Variants in ABCC11 observed in about 807,000 individuals in gnomAD.
The protein encoded by ABCC11 is ATP-binding cassette sub-family C member 11.
ABCC11 carries 135 observed loss-of-function variants against 149.3 expected under a neutral mutation model. The observed-to-expected ratio is 0.90, with a 90% CI of 0.79 to 1.04. The LOEUF is 1.04. Ranked by LOEUF, ABCC11 falls within the 50% of genes least tolerant of loss-of-function variation. ABCC11 has a pLI of 0.00. For synonymous variants in ABCC11, 665 were observed against 671.4 expected, an observed-to-expected ratio of 0.99 and a Z score of 0.15; for missense variants, 1,680 against 1,722.1, an observed-to-expected ratio of 0.98 and a Z score of 0.43.
chr16:48,195,787 T>G (rs1003629256), intron 18 of ABCC11, among the ~76,000 whole-genome samples: 1 of 152,184 alleles, frequency 6.6e-6, no homozygotes, highest in Non-Finnish European at 1.5e-5. Flanking sequence ...TTCTATTTCA[T>G]GTCTTTCAGT....
intron 1 of ABCC11, chr16:48,244,752 G>T: frequency 1.8e-6 from 1 of 553,480 alleles, no homozygotes; most frequent in Non-Finnish European, 2.8e-6. Flanking sequence ...CCGCCTCTCT[G>T]GTGCTATCAC....
intron 6 of ABCC11, among the ~76,000 whole-genome samples, chr16:48,220,665 A>G (rs1334131762): frequency 6.6e-6 from 1 of 152,240 alleles, no homozygotes; most frequent in Non-Finnish European, 1.5e-5. Context: ...ACAGCTTCAG[A>G]GAGGCTGAAC....
intron 20 of ABCC11, among the ~76,000 whole-genome samples, chr16:48,189,076 C>G (rs545168333): frequency 1.5e-4 from 23 of 152,322 alleles, no homozygotes; most frequent in African/African-American, 5.3e-4. Flanking sequence ...TTTAAAGCCT[C>G]CTTGCTTTTT....
At chr16:48,192,797 C>G in intron 19 of ABCC11, 80 bp from the exon 20 acceptor site, 1 of 1,398,812 alleles carries the variant, frequency 7.1e-7, no homozygotes. Flanking sequence ...CCTGGGGCCA[C>G]GTGAGAATCT....
chr16:48,244,172 C>T (rs1316674597), intron 1 of ABCC11: 5 of 488,162 alleles, frequency 1.0e-5, no homozygotes, highest in Admixed American at 4.2e-5. Flanking sequence ...CGCTTGAGTG[C>T]ACGTCTTTCC....
chr16:48,217,866 G>A (rs1172949052), intron 6 of ABCC11, among the ~76,000 whole-genome samples: 2 of 151,854 alleles, frequency 1.3e-5, no homozygotes, highest in Non-Finnish European at 2.9e-5. Flanking sequence ...AAAACTCTAT[G>A]ATCTGGCAAT....
chr16:48,232,054 C>T, intron 1 of ABCC11, 115 bp from the exon 2 acceptor site: 1 of 1,495,766 alleles, frequency 6.7e-7, no homozygotes, highest in Admixed American at 2.2e-5. Context: ...ATATTGGGGC[C>T]ATGCAGAGGT....
chr16:48,193,177 C>G (rs1235352489), intron 19 of ABCC11, among the ~76,000 whole-genome samples: 1 of 152,204 alleles, frequency 6.6e-6, no homozygotes, highest in Non-Finnish European at 1.5e-5. Context: ...TTCAGTTCAG[C>G]TGAGATCCCT....
intron 1 of ABCC11, among the ~76,000 whole-genome samples, chr16:48,233,324 C>T (rs1970524974): frequency 6.6e-6 from 1 of 152,240 alleles, no homozygotes; most frequent in Non-Finnish European, 1.5e-5. Flanking sequence ...TCCCATCCCA[C>T]TTCCTTTTAC....
chr16:48,167,112 C>T lies in ABCC11; in HGVS notation c.*162G>A. On this transcript the variant is annotated 3_prime_UTR_variant, in exon 30 of 30. Transcript: ENST00000356608. ...TTGAGAGCCATCAAGTAGCCTATTCCAGGGTTTCCATCCAGCAATCCCCAC... is the reference window on the plus strand; with the variant it reads ...TTGAGAGCCATCAAGTAGCCTATTCTAGGGTTTCCATCCAGCAATCCCCAC... 1 of 620,192 alleles carries T rather than the reference C, an allele frequency of 1.6e-6. No individual in the cohort carries two copies. The highest frequency in any genetic ancestry group is 2.9e-6 in the Non-Finnish European group (1 of 342,794). The allele number at this position is 620,192 out of a possible 1,614,324, so 38.4% of individuals were successfully genotyped here. A position where few individuals can be genotyped will look rare whatever the true frequency, so the allele number is the denominator to read the frequency against.
intron 14 of ABCC11, among the ~76,000 whole-genome samples, chr16:48,201,384 G>A (rs750892605): frequency 1.3e-5 from 2 of 151,986 alleles, no homozygotes; most frequent in Non-Finnish European, 2.9e-5. Context: ...AGTCTCAAGC[G>A]ATTCTCCCAT....
At chr16:48,228,030 C>A (rs1049606436) in intron 3 of ABCC11, 66 bp from the exon 4 acceptor site, 101 of 1,460,176 alleles carry the variant, frequency 6.9e-5, no homozygotes, top group Non-Finnish European at 8.6e-5. Flanking sequence ...TGAATGACAA[C>A]CATATTAAAA....
chr16:48,167,245 G>A lies in ABCC11; in HGVS notation c.*29C>T, dbSNP rs1456434543. ...CCTGTGTGAACCTCTGAGCTCAGCT[G>A]CCAGCCTCCATGAAGTCTCCACATC... On this transcript the variant is annotated 3_prime_UTR_variant, in exon 30 of 30. Transcript: ENST00000356608. 3 of 786,492 alleles carry A rather than the reference G, an allele frequency of 3.8e-6. No individual in the cohort carries two copies. Among genetic ancestry groups the A allele is most frequent in the Non-Finnish European group, 7.1e-6 (3 of 424,710 alleles). 48.7% of individuals were successfully genotyped at this position (786,492 alleles called of 1,614,324 possible).
At position 48,211,209 on chromosome 16, in the gene ABCC11, C is replaced by T; in HGVS notation, c.1357-10G>A. On this transcript the variant is annotated splice_polypyrimidine_tract_variant and intron_variant, in intron 10 of 29. Transcript: ENST00000356608. ...CCTGGAGGAAAAACTTCTGTAAAGA[C>T]AGAAAAAAATAGAGGGAGGAGGAAT... 6.8e-6 allele frequency: 11 copies of T among 1,607,688 alleles called. No individual in the cohort carries two copies. Among genetic ancestry groups the T allele is most frequent in the Non-Finnish European group, 9.3e-6 (11 of 1,177,966 alleles).
chr16:48,236,384 T>C (rs928172489), intron 1 of ABCC11, among the ~76,000 whole-genome samples: 2 of 152,176 alleles, frequency 1.3e-5, no homozygotes, highest in African/African-American at 4.8e-5. Context: ...ATCCCCTCTC[T>C]CCATACCACC....
At chr16:48,229,824 AC>A (rs1708134875) in intron 3 of ABCC11, among the ~76,000 whole-genome samples, 1 of 151,958 alleles carries the variant, frequency 6.6e-6, no homozygotes, top group South Asian at 2.1e-4. Context: ...CTGCAGCCTC[AC>A]CTCATGCCAC....
Position 48,167,687 on chromosome 16 carries a change from G to T in ABCC11, c.3892-27C>A, listed in dbSNP as rs1965425237. The stretch of plus-strand genomic sequence containing the variant: ...TGATGAATACAAAACAGGGGTGAAG[G>T]TGTCTACTTCAGGCCCTAGAGACCT... On this transcript the variant is annotated intron_variant, in intron 28 of 29. Transcript: ENST00000356608. 3 of 1,612,866 alleles carry T rather than the reference G, an allele frequency of 1.9e-6. No homozygotes were observed. The African/African-American group carries it at 4.0e-5, about 21-fold the overall frequency.
In ABCC11 at chr16:48,200,157, C is replaced by T. The variant is rs1596742105; in HGVS notation, c.2082+119G>A. The T allele has an allele frequency of 6.3e-6, 7 of 1,108,700 alleles. No homozygotes were observed. In the East Asian group the frequency reaches 1.7e-4, roughly 28 times the overall value. The allele number at this position is 1,108,700 out of a possible 1,614,324, so 68.7% of individuals were successfully genotyped here. On this transcript the variant is annotated intron_variant, in intron 15 of 29. Coordinates refer to ENST00000356608, the MANE Select transcript of ABCC11 (RefSeq NM_001370497.1). ...CAGCCCTCCCCAAATGTGGAGGAGT[C>T]TAACCTGAGATGAGGACAGCTGCTG...
chr16:48,167,124 C>T lies in ABCC11; in HGVS notation c.*150G>A, dbSNP rs1197435034. 4.7e-6 allele frequency: 3 copies of T among 636,534 alleles called. No individual in the cohort carries two copies. Among genetic ancestry groups the T allele is most frequent in the Admixed American group, 2.5e-5 (1 of 40,048 alleles). The allele number at this position is 636,534 out of a possible 1,614,324, so 39.4% of individuals were successfully genotyped here. A position where few individuals can be genotyped will look rare whatever the true frequency, so the allele number is the denominator to read the frequency against. Reference sequence around the variant, plus strand: ...AAGTAGCCTATTCCAGGGTTTCCATCCAGCAATCCCCACCCCCCCTACATT... The same window carrying T: ...AAGTAGCCTATTCCAGGGTTTCCATTCAGCAATCCCCACCCCCCCTACATT... On this transcript the variant is annotated 3_prime_UTR_variant, in exon 30 of 30. Coordinates refer to ENST00000356608, the MANE Select transcript of ABCC11 (RefSeq NM_001370497.1).
Sources: gnomAD v4.1 joint callset for allele counts (sites outside exome capture counted in the v4.1 genomes callset) on GRCh38, gnomAD v4.1.1 for gene constraint, MANE v1.5 for transcripts, NCBI Gene and HGNC (gene_info 2026-07-23, HGNC 2026-07-21) for gene names.